VAMP4: variants seen among roughly 807,000 people sequenced by gnomAD.
VAMP4 encodes vesicle-associated membrane protein 4.
In VAMP4, 19 loss-of-function variants were observed where a neutral mutation model predicts 23.5. The observed-to-expected ratio is 0.81, with a 90% CI of 0.56 to 1.19. The LOEUF (loss-of-function observed/expected upper bound fraction) is 1.19, where lower values mean the gene tolerates loss of function less well. VAMP4 is among the 50% of genes most tolerant of loss of function. The probability of loss-of-function intolerance (pLI) is 0.00; values close to 1 mark genes in which losing one functional copy is unlikely to be tolerated. For synonymous variants in VAMP4, 31 were observed against 51.0 expected (o/e 0.61, Z 1.67); for missense variants, 145 against 168.6 (o/e 0.86, Z 0.78).
chr1:171,721,410 G>A (rs1388436372), intron 3 of VAMP4, among the ~76,000 whole-genome samples: 1 of 152,082 alleles, frequency 6.6e-6, no homozygotes, highest in Non-Finnish European at 1.5e-5. Flanking sequence ...AAATCCAGTA[G>A]GATATATAAA....
In VAMP4 at chr1:171,700,919, A is replaced by C. The variant is rs1174166975; in HGVS notation, c.*3587T>G. The C allele has an allele frequency of 6.6e-6, 1 of 152,170 alleles. No individual in the cohort carries two copies. The highest frequency in any genetic ancestry group is 1.5e-5 in the Non-Finnish European group (1 of 68,020). 9.4% of individuals were successfully genotyped at this position (152,170 alleles called of 1,614,324 possible). A position where few individuals can be genotyped will look rare whatever the true frequency, so the allele number is the denominator to read the frequency against. On this transcript the variant is annotated 3_prime_UTR_variant, in exon 8 of 8. Transcript: ENST00000236192. Reference sequence around the variant, plus strand: ...TTTGTTCCAAGAAGCTTCTTGGAATAAAACAGAAGCCAGAATAAATGCATT... The same window carrying C: ...TTTGTTCCAAGAAGCTTCTTGGAATCAAACAGAAGCCAGAATAAATGCATT...
chr1:171,715,905 G>A (rs1655010606), intron 4 of VAMP4, among the ~76,000 whole-genome samples: 1 of 152,124 alleles, frequency 6.6e-6, no homozygotes, highest in Non-Finnish European at 1.5e-5. Context: ...AGGAGCTGAG[G>A]TGGAAGGATC....
At chr1:171,708,256 C>T (rs1654727797) in intron 6 of VAMP4, among the ~76,000 whole-genome samples, 1 of 148,246 alleles carries the variant, frequency 6.7e-6, no homozygotes, top group South Asian at 2.1e-4. Flanking sequence ...ATGAGAATCA[C>T]TTGAACCTAG....
At chr1:171,736,648 AAAAACAAAAC>A (rs59682689) in intron 2 of VAMP4, among the ~76,000 whole-genome samples, 13,565 of 149,966 alleles carry the variant, frequency 0.09, 1,043 homozygotes, top group African/African-American at 0.2. Context: ...TTCCCCATTA[AAAAACAAAAC>A]AAAACAAAAC....
intron 4 of VAMP4, among the ~76,000 whole-genome samples, chr1:171,713,613 C>A (rs1263561467): frequency 2.0e-5 from 3 of 151,922 alleles, no homozygotes; most frequent in Non-Finnish European, 4.4e-5. Context: ...TGGAAGGATC[C>A]CCTGAGCCTG....
At chr1:171,718,851 A>C (rs556460055) in intron 4 of VAMP4, among the ~76,000 whole-genome samples, 7 of 152,296 alleles carry the variant, frequency 4.6e-5, no homozygotes, top group Admixed American at 3.9e-4. Context: ...AAAATGAATT[A>C]GGTTTTTATA....
intron 4 of VAMP4, among the ~76,000 whole-genome samples, chr1:171,716,794 T>C (rs191302311): frequency 6.6e-6 from 1 of 152,332 alleles, no homozygotes; most frequent in Non-Finnish European, 1.5e-5. Context: ...GTGTGGCAAG[T>C]TGTGCTCCTC....
chr1:171,709,709 T>C lies in VAMP4; in HGVS notation c.301A>G (p.Arg101Gly), dbSNP rs758136623. The C allele has an allele frequency of 1.2e-6, 2 of 1,613,302 alleles. No individual in the cohort carries two copies. The highest frequency in any genetic ancestry group is 8.5e-7 in the Non-Finnish European group (1 of 1,179,436). Residue 101 changes from arginine to glycine, a missense_variant, in exon 6 of 8, where the codon AGA becomes GGA. Physicochemically the swap from Arg to Gly is moderately radical, Grantham distance 125. Transcript: ENST00000236192. ...ATTTGCCTTCGAAGTTGTTTGGATC[T>C]GTTGCTAAAAGCTGTTGCATTATCC... ...LSDNATAFSN[R>G]SKQLRRQMWW...
intron 4 of VAMP4, among the ~76,000 whole-genome samples, chr1:171,718,221 T>C (rs185136660): frequency 1.3e-3 from 192 of 152,310 alleles, no homozygotes; most frequent in African/African-American, 4.2e-3. Flanking sequence ...AGGCTAAGTA[T>C]GGAAATATTT....
At chr1:171,720,185 C>G (rs1406945946) in intron 3 of VAMP4, among the ~76,000 whole-genome samples, 1 of 151,974 alleles carries the variant, frequency 6.6e-6, no homozygotes, top group African/African-American at 2.4e-5. Context: ...TGATGTTAAA[C>G]ATTGAATTTC....
Position 171,727,240 on chromosome 1 carries a change from C to CAAAA in VAMP4, c.113+1280_113+1283dup, listed in dbSNP as rs35549560. ...CCTGGGCAAAAGTAATACCTTGTCT[C>CAAAA]AAAAAAAAAAAAAAAAAAAGCCAAA... is the stretch of plus-strand genomic sequence containing the variant. On this transcript the variant is annotated intron_variant, in intron 3 of 7. Transcript: ENST00000236192. Among the ~76,000 whole-genome samples the CAAAA allele has an allele frequency of 7.1e-5, 6 of 85,034 alleles. No homozygotes were observed. In the East Asian group the frequency reaches 1.1e-3, roughly 16 times the overall value. 55.8% of individuals were successfully genotyped at this position (85,034 alleles called of 152,430 possible). A position where few individuals can be genotyped will look rare whatever the true frequency, so the allele number is the denominator to read the frequency against.
At chr1:171,729,143 CCTT>C (rs1252637274) in intron 2 of VAMP4, among the ~76,000 whole-genome samples, 3 of 152,204 alleles carry the variant, frequency 2.0e-5, no homozygotes, top group Non-Finnish European at 4.4e-5. Flanking sequence ...GACAGTCTCA[CCTT>C]CTCCCCAAAA....
intron 2 of VAMP4, among the ~76,000 whole-genome samples, chr1:171,733,974 T>C (rs562830997): frequency 6.6e-6 from 1 of 152,088 alleles, no homozygotes; most frequent in Non-Finnish European, 1.5e-5. Flanking sequence ...GTTATATCAA[T>C]ATAAGGGAAT....
rs951574878 is a variant in VAMP4 at position 171,703,608 on chromosome 1, T to C, written c.*898A>G. Reference sequence around the variant, plus strand: ...GTATTAATAGATGGTTTTGCTACTTTTTGTACTTTTGGTAAATGAGATAGT... The same window carrying C: ...GTATTAATAGATGGTTTTGCTACTTCTTGTACTTTTGGTAAATGAGATAGT... On this transcript the variant is annotated 3_prime_UTR_variant, in exon 8 of 8. Coordinates refer to ENST00000236192, the MANE Select transcript of VAMP4 (RefSeq NM_003762.5). The C allele has an allele frequency of 5.9e-5, 9 of 151,794 alleles. No homozygotes were observed. The highest frequency in any genetic ancestry group is 1.2e-4 in the Non-Finnish European group (8 of 67,646). 9.4% of individuals were successfully genotyped at this position (151,794 alleles called of 1,614,324 possible). A position where few individuals can be genotyped will look rare whatever the true frequency, so the allele number is the denominator to read the frequency against.
At chr1:171,736,698 C>T (rs985069342) in intron 2 of VAMP4, among the ~76,000 whole-genome samples, 2 of 151,746 alleles carry the variant, frequency 1.3e-5, no homozygotes, top group Non-Finnish European at 2.9e-5. Flanking sequence ...CAAAACAGGC[C>T]GAGTGCAGTG....
At chr1:171,707,852 T>C (rs1654706477) in intron 6 of VAMP4, among the ~76,000 whole-genome samples, 1 of 152,074 alleles carries the variant, frequency 6.6e-6, no homozygotes, top group East Asian at 1.9e-4. Context: ...TTTTTAGCAA[T>C]GGTTAAAAAA....
At position 171,733,187 on chromosome 1, in the gene VAMP4, G is replaced by C. The variant is rs564596986; in HGVS notation, c.67-4617C>G. ...TGTATTTGGTTTATGGCCGGGCATG[G>C]TGGCTCACGCCTGTAACCCTGGCAC... On this transcript the variant is annotated intron_variant, in intron 2 of 7. Transcript: ENST00000236192. Among the ~76,000 whole-genome samples the C allele has an allele frequency of 3.3e-5, 5 of 151,514 alleles. No individual in the cohort carries two copies. In the East Asian group the frequency reaches 9.7e-4, roughly 29 times the overall value.
intron 2 of VAMP4, among the ~76,000 whole-genome samples, chr1:171,730,203 T>G (rs1356773921): frequency 6.6e-6 from 1 of 152,216 alleles, no homozygotes; most frequent in African/African-American, 2.4e-5. Context: ...TTTAAGTGTG[T>G]GGTAATTTGT....
chr1:171,709,178 T>C (rs939627424), intron 6 of VAMP4, among the ~76,000 whole-genome samples: 1 of 152,078 alleles, frequency 6.6e-6, no homozygotes, highest in Admixed American at 6.6e-5. Flanking sequence ...TACTTTTTAT[T>C]TTTCTGGAAT....
Sources: gnomAD v4.1 joint callset for allele counts (sites outside exome capture counted in the v4.1 genomes callset) on GRCh38, gnomAD v4.1.1 for gene constraint, MANE v1.5 for transcripts, NCBI Gene and HGNC (gene_info 2026-07-23, HGNC 2026-07-21) for gene names.